The following CLDN20 variants were observed in gnomAD, a reference collection of about 807,000 sequenced individuals.
CLDN20 encodes the protein claudin-20.
For missense variants in CLDN20, 258 were observed against 267.9 expected (o/e 0.96, Z 0.26); for synonymous variants, 104 against 103.6 (o/e 1.00, Z -0.03).
At chr6:155,273,326 G>GT (rs1196161921) in intron 1 of CLDN20, among the ~76,000 whole-genome samples, 1 of 152,108 alleles carries the variant, frequency 6.6e-6, no homozygotes, top group Non-Finnish European at 1.5e-5. Flanking sequence ...TTCTAAAATG[G>GT]TAAGATTTAC....
chr6:155,268,351 T>C (rs1212194156), intron 1 of CLDN20, among the ~76,000 whole-genome samples: 1 of 152,168 alleles, frequency 6.6e-6, no homozygotes, highest in African/African-American at 2.4e-5. Flanking sequence ...ACCAAAGTGT[T>C]TCCCCTTAAC....
At chr6:155,274,718 C>A (rs919013898) in intron 1 of CLDN20, among the ~76,000 whole-genome samples, 33 of 152,358 alleles carry the variant, frequency 2.2e-4, no homozygotes, top group African/African-American at 7.9e-4. Context: ...ATAACCATGC[C>A]AGTGACTCAG....
intron 1 of CLDN20, among the ~76,000 whole-genome samples, chr6:155,267,274 C>G (rs186676829): frequency 8.5e-5 from 13 of 152,294 alleles, no homozygotes; most frequent in African/African-American, 2.2e-4. Flanking sequence ...CACACCTGGC[C>G]GTAGAATATG....
Position 155,267,238 on chromosome 6 carries a change from G to A in CLDN20, c.-105+2950G>A, listed in dbSNP as rs1215356263. On this transcript the variant is annotated intron_variant, in intron 1 of 1. Transcript: ENST00000367165. ...AATCCACCTGCCTTGGCCTCCCAAA[G>A]TGTTGGGATTATGGGCATGAGCCAC... Among the ~76,000 whole-genome samples the A allele has an allele frequency of 2.0e-5, 3 of 152,212 alleles. No homozygotes were observed. The South Asian group carries it at 6.2e-4, about 31-fold the overall frequency.
rs1213939199 is a variant in CLDN20 at position 155,266,846 on chromosome 6, C to CAAAA, written c.-105+2581_-105+2584dup. On this transcript the variant is annotated intron_variant, in intron 1 of 1. Coordinates refer to ENST00000367165, the MANE Select transcript of CLDN20 (RefSeq NM_001001346.3). The stretch of plus-strand genomic sequence containing the variant: ...TGGGCGACAGAGCGAGACTCCGTCT[C>CAAAA]AAAAAAAAAAAAAAAAAAAAAAAAA... 6.7e-4 allele frequency among the ~76,000 whole-genome samples: 42 copies of CAAAA among 62,836 alleles called. 1 individual carries two copies. The highest frequency in any genetic ancestry group is 2.5e-3 in the African/African-American group (40 of 16,256). 41.2% of individuals were successfully genotyped at this position (62,836 alleles called of 152,430 possible).
At chr6:155,268,049 A>G (rs1408807932) in intron 1 of CLDN20, among the ~76,000 whole-genome samples, 3 of 152,224 alleles carry the variant, frequency 2.0e-5, no homozygotes, top group Non-Finnish European at 2.9e-5. Flanking sequence ...CAGACCGAAG[A>G]TGCCCTTGAC....
intron 1 of CLDN20, among the ~76,000 whole-genome samples, chr6:155,268,986 T>TAA (rs34268254): frequency 7.8e-6 from 1 of 128,396 alleles, no homozygotes; most frequent in Non-Finnish European, 1.6e-5. Flanking sequence ...ATTAAAAAAT[T>TAA]AAAAAAAAAA....
chr6:155,265,239 C>G (rs1015706648), intron 1 of CLDN20, among the ~76,000 whole-genome samples: 2 of 152,184 alleles, frequency 1.3e-5, no homozygotes, highest in African/African-American at 4.8e-5. Flanking sequence ...GGGTCTGGAC[C>G]CCAGCGCTGC....
chr6:155,275,082 C>T (rs984973076), intron 1 of CLDN20, among the ~76,000 whole-genome samples: 4 of 151,622 alleles, frequency 2.6e-5, no homozygotes, highest in Non-Finnish European at 2.9e-5. Flanking sequence ...AAAAATTAGC[C>T]GGGCATGGTG....
rs1783062003 is a variant in CLDN20, at chr6:155,275,701, C to G, written c.-19C>G. On this transcript the variant is annotated 5_prime_UTR_variant, in exon 2 of 2. Transcript: ENST00000367165. The stretch of plus-strand genomic sequence containing the variant: ...TAAACATCAGGATTTTCTAAGAGGA[C>G]AGACTTAACAGTAACATCATGGCCT... 2 of 1,596,216 alleles carry G rather than the reference C, an allele frequency of 1.3e-6. No homozygotes were observed. Among genetic ancestry groups the G allele is most frequent in the Non-Finnish European group, 1.7e-6 (2 of 1,170,010 alleles).
At position 155,275,685 on chromosome 6, in the gene CLDN20, G is replaced by A. The variant is rs937153854; in HGVS notation, c.-35G>A. 4.5e-6 allele frequency: 7 copies of A among 1,568,974 alleles called. No individual in the cohort carries two copies. The African/African-American group carries it at 9.5e-5, about 21-fold the overall frequency. Reference sequence around the variant, plus strand: ...TGACAGCCATCATTGTTAAACATCAGGATTTTCTAAGAGGACAGACTTAAC... The same window carrying A: ...TGACAGCCATCATTGTTAAACATCAAGATTTTCTAAGAGGACAGACTTAAC... On this transcript the variant is annotated 5_prime_UTR_variant, in exon 2 of 2. Transcript: ENST00000367165.
At chr6:155,268,576 C>T (rs928737407) in intron 1 of CLDN20, among the ~76,000 whole-genome samples, 5 of 152,158 alleles carry the variant, frequency 3.3e-5, no homozygotes, top group African/African-American at 1.2e-4. Flanking sequence ...CATCACTAAG[C>T]AACACCACAC....
In CLDN20 at chr6:155,276,480, G is replaced by GT; in HGVS notation, c.*102dup. The GT allele has an allele frequency of 9.1e-7, 1 of 1,097,196 alleles. No individual in the cohort carries two copies. Among genetic ancestry groups the GT allele is most frequent in the Non-Finnish European group, 1.3e-6 (1 of 771,516 alleles). 68.0% of individuals were successfully genotyped at this position (1,097,196 alleles called of 1,614,324 possible). A position where few individuals can be genotyped will look rare whatever the true frequency, so the allele number is the denominator to read the frequency against. On this transcript the variant is annotated 3_prime_UTR_variant, in exon 2 of 2. Transcript: ENST00000367165. The stretch of plus-strand genomic sequence containing the variant: ...ATGCTTAACTTTCCCTACAAAGAAA[G>GT]TAGAATGTAAAATACTTTAACAACT...
intron 1 of CLDN20, among the ~76,000 whole-genome samples, chr6:155,270,613 A>C (rs1043274576): frequency 1.5e-4 from 23 of 152,188 alleles, no homozygotes; most frequent in African/African-American, 5.3e-4. Flanking sequence ...GAGAATAGAA[A>C]TGTACATTAA....
rs141999652 is a variant in CLDN20 at position 155,267,321 on chromosome 6, C to T, written c.-105+3033C>T. ...TGAAAGGGTCAGCTGAGGCAGCCAT[C>T]TCATAGCTGTTGAAGTAAACCTAAA... On this transcript the variant is annotated intron_variant, in intron 1 of 1. Coordinates refer to ENST00000367165, the MANE Select transcript of CLDN20 (RefSeq NM_001001346.3). Among the ~76,000 whole-genome samples, 1,152 of 152,294 alleles carry T rather than the reference C, an allele frequency of 7.6e-3. 16 individuals are homozygous for T. The highest frequency in any genetic ancestry group is 0.026 in the African/African-American group (1,095 of 41,556).
chr6:155,276,507 C>T lies in CLDN20; in HGVS notation c.*128C>T, dbSNP rs1785229884. On this transcript the variant is annotated 3_prime_UTR_variant, in exon 2 of 2. Transcript: ENST00000367165. The stretch of plus-strand genomic sequence containing the variant: ...AGAATGTAAAATACTTTAACAACTA[C>T]AAAGTAGTTTAAAATGCCAATAAAA... The T allele has an allele frequency of 2.4e-6, 2 of 844,530 alleles. No homozygotes were observed. Among genetic ancestry groups the T allele is most frequent in the Non-Finnish European group, 3.7e-6 (2 of 546,912 alleles). The allele number at this position is 844,530 out of a possible 1,614,324, so 52.3% of individuals were successfully genotyped here. A position where few individuals can be genotyped will look rare whatever the true frequency, so the allele number is the denominator to read the frequency against.
chr6:155,266,569 G>A (rs1487747083), intron 1 of CLDN20, among the ~76,000 whole-genome samples: 3 of 152,214 alleles, frequency 2.0e-5, no homozygotes, highest in East Asian at 3.9e-4. Context: ...AAATGAGGCT[G>A]GGCGCTGTGG....
At chr6:155,269,455 G>A (rs73579373) in intron 1 of CLDN20, among the ~76,000 whole-genome samples, 3,578 of 151,642 alleles carry the variant, frequency 0.024, 152 homozygotes, top group African/African-American at 0.082. Flanking sequence ...CCGAGAAGCT[G>A]GGGCTAATGG....
intron 1 of CLDN20, among the ~76,000 whole-genome samples, chr6:155,266,386 G>T (rs1784633367): frequency 6.6e-6 from 1 of 152,108 alleles, no homozygotes; most frequent in African/African-American, 2.4e-5. Context: ...CTAGTTGCTT[G>T]GGAAAGTATC....
Sources: gnomAD v4.1 joint callset for allele counts (sites outside exome capture counted in the v4.1 genomes callset) on GRCh38, gnomAD v4.1.1 for gene constraint, MANE v1.5 for transcripts, NCBI Gene and HGNC (gene_info 2026-07-23, HGNC 2026-07-21) for gene names.